LITAF: variants seen among roughly 807,000 people sequenced by gnomAD.
LITAF encodes lipopolysaccharide-induced tumor necrosis factor-alpha factor.
Under a neutral mutation model 14.5 loss-of-function variants are expected in LITAF, and 9 were observed. The ratio of observed to expected loss-of-function variants is 0.62; its 90% confidence interval spans 0.37 to 1.08. LITAF has a LOEUF of 1.08. Among genes scored for constraint, LITAF ranks in the 50% least tolerant of loss-of-function variants. The pLI, the probability that LITAF is intolerant of heterozygous loss-of-function variation, is 0.01. For missense variants in LITAF, 206 were observed against 213.4 expected, an observed-to-expected ratio of 0.97 and a Z score of 0.22; for synonymous variants, 98 against 88.2, an observed-to-expected ratio of 1.11 and a Z score of -0.62.
rs988565810 is a variant in LITAF at position 11,558,292 on chromosome 16, C to G, written c.-5-1557G>C. 6.6e-6 allele frequency among the ~76,000 whole-genome samples: 1 copy of G among 152,180 alleles called. No individual in the cohort carries two copies. Among genetic ancestry groups the G allele is most frequent in the Non-Finnish European group, 1.5e-5 (1 of 68,028 alleles). ...ATTCACCTCAAAGTGGAAACAGAGA[C>G]CAGGTGCGGTGGCTCACCTGTAATC... On this transcript the variant is annotated intron_variant, in intron 1 of 3. Coordinates refer to ENST00000622633, the MANE Select transcript of LITAF (RefSeq NM_001136472.2). The surrounding 1 kb of genome is among the most constrained non-coding windows in gnomAD (Gnocchi z 4.1).
chr16:11,548,588 CTTTTTT>C lies in LITAF; in HGVS notation c.*1043_*1048del. 2.4e-6 allele frequency: 1 copy of C among 421,634 alleles called. No homozygotes were observed. The highest frequency in any genetic ancestry group is 4.6e-6 in the Non-Finnish European group (1 of 215,572). 26.1% of individuals were successfully genotyped at this position (421,634 alleles called of 1,614,324 possible). A position where few individuals can be genotyped will look rare whatever the true frequency, so the allele number is the denominator to read the frequency against. ...TAGATGAAATTATCCATTTCTTTTTCTTTTTTTTTTTTTTAAGTGAGACTACATTGG... is the reference window on the plus strand; with the variant it reads ...TAGATGAAATTATCCATTTCTTTTTCTTTTTTTTAAGTGAGACTACATTGG... On this transcript the variant is annotated 3_prime_UTR_variant, in exon 4 of 4. Coordinates refer to ENST00000622633, the MANE Select transcript of LITAF (RefSeq NM_001136472.2).
chr16:11,582,039 T>C (rs2064745269), intron 1 of LITAF, among the ~76,000 whole-genome samples: 2 of 152,136 alleles, frequency 1.3e-5, no homozygotes, highest in Admixed American at 1.3e-4. Context: ...AGGGTGAATA[T>C]GGTTAACAAT....
chr16:11,566,080 C>G (rs551274361), intron 1 of LITAF, among the ~76,000 whole-genome samples: 1 of 152,136 alleles, frequency 6.6e-6, no homozygotes, highest in East Asian at 1.9e-4. Flanking sequence ...AAAAAAGGAC[C>G]AGAGCAACTT....
At chr16:11,625,891 G>T (rs1476523439) in intron 3 of LITAF, among the ~76,000 whole-genome samples, 6 of 151,974 alleles carry the variant, frequency 3.9e-5, no homozygotes, top group Non-Finnish European at 8.8e-5. Context: ...TCCTCACAAT[G>T]GTCCTACGAG....
chr16:11,558,194 G>A lies in LITAF; in HGVS notation c.-5-1459C>T, dbSNP rs1224969093. ...ATCCCACTGCAGGGAGAAGGGTAGA[G>A]TCCTTCTCAGAAGCCCTGCCTCTAA... On this transcript the variant is annotated intron_variant, in intron 1 of 3. Coordinates refer to ENST00000622633, the MANE Select transcript of LITAF (RefSeq NM_001136472.2). The surrounding 1 kb of genome is among the most constrained non-coding windows in gnomAD (Gnocchi z 4.1). Among the ~76,000 whole-genome samples the A allele has an allele frequency of 1.3e-5, 2 of 152,194 alleles. No homozygotes were observed. Among genetic ancestry groups the A allele is most frequent in the East Asian group, 1.9e-4 (1 of 5,200 alleles).
chr16:11,618,567 C>T (rs1199723618), intron 3 of LITAF, among the ~76,000 whole-genome samples: 1 of 152,194 alleles, frequency 6.6e-6, no homozygotes, highest in Admixed American at 6.5e-5. Flanking sequence ...TCGCTGTGTG[C>T]GATGGGCTAA....
At chr16:11,625,527 T>C (rs761593534) in intron 3 of LITAF, among the ~76,000 whole-genome samples, 1 of 152,060 alleles carries the variant, frequency 6.6e-6, no homozygotes, top group Non-Finnish European at 1.5e-5. Flanking sequence ...CCTCCCAAAG[T>C]GCTGAGATTA....
At chr16:11,608,977 AAAC>A (rs986735580) in intron 3 of LITAF, among the ~76,000 whole-genome samples, 38 of 38,380 alleles carry the variant, frequency 9.9e-4, no homozygotes, top group East Asian at 0.014. Context: ...CAAAACAAAC[AAAC>A]AAAAAAAAAC....
intron 1 of LITAF, among the ~76,000 whole-genome samples, chr16:11,593,741 C>T (rs1343601727): frequency 1.3e-5 from 2 of 152,178 alleles, no homozygotes; most frequent in Non-Finnish European, 2.9e-5. Flanking sequence ...AAAATGAAAC[C>T]AGACACCAAA....
chr16:11,599,959 C>G (rs1186211298), upstream of LITAF, among the ~76,000 whole-genome samples: 1 of 152,068 alleles, frequency 6.6e-6, no homozygotes, highest in East Asian at 1.9e-4. Flanking sequence ...CCCACCCTGT[C>G]ACCTTTTTCT....
At chr16:11,591,990 C>G (rs1597363641), upstream of LITAF, among the ~76,000 whole-genome samples, 1 of 152,152 alleles carries the variant, frequency 6.6e-6, no homozygotes, top group South Asian at 2.1e-4. Context: ...TTGACTCATA[C>G]AACTCTTAGA....
At chr16:11,628,027 A>G (rs1036071777) in intron 3 of LITAF, among the ~76,000 whole-genome samples, 1 of 151,618 alleles carries the variant, frequency 6.6e-6, no homozygotes, top group Non-Finnish European at 1.5e-5. Context: ...AAAAAAAAAA[A>G]AAAAAACAAG....
intron 3 of LITAF, among the ~76,000 whole-genome samples, chr16:11,621,501 G>T (rs2065051076): frequency 6.6e-6 from 1 of 152,150 alleles, no homozygotes; most frequent in Non-Finnish European, 1.5e-5. Flanking sequence ...CACCGCTCCT[G>T]GCCCACCCAT....
chr16:11,629,872 G>C (rs776064038), intron 3 of LITAF, among the ~76,000 whole-genome samples: 14 of 152,200 alleles, frequency 9.2e-5, no homozygotes, highest in Non-Finnish European at 1.8e-4. Context: ...TCCCCCCACA[G>C]CCTGGCGCAT....
chr16:11,571,837 C>T (rs1222659765), intron 1 of LITAF, among the ~76,000 whole-genome samples: 3 of 152,172 alleles, frequency 2.0e-5, no homozygotes, highest in Non-Finnish European at 4.4e-5. Flanking sequence ...GTGGCTCATG[C>T]CTGTAGTCCC....
upstream of LITAF, among the ~76,000 whole-genome samples, chr16:11,637,228 C>G (rs2065141635): frequency 6.6e-6 from 1 of 152,200 alleles, no homozygotes; most frequent in South Asian, 2.1e-4. Flanking sequence ...GTATCACCAG[C>G]ACCACAGAGA....
chr16:11,547,893 C>G lies in LITAF; in HGVS notation c.*1744G>C. On this transcript the variant is annotated 3_prime_UTR_variant, in exon 4 of 4. Transcript: ENST00000622633. Reference sequence around the variant, plus strand: ...ATTCAGCAAGTCTGAAGTTTTTAATCGGGAAGGATTTTCTACCGTTACTGA... The same window carrying G: ...ATTCAGCAAGTCTGAAGTTTTTAATGGGGAAGGATTTTCTACCGTTACTGA... 2 of 454,050 alleles carry G rather than the reference C, an allele frequency of 4.4e-6. No individual in the cohort carries two copies. Among genetic ancestry groups the G allele is most frequent in the Non-Finnish European group, 4.4e-6 (1 of 226,784 alleles). 28.1% of individuals were successfully genotyped at this position (454,050 alleles called of 1,614,324 possible).
intron 1 of LITAF, among the ~76,000 whole-genome samples, chr16:11,564,327 C>G (rs1051672903): frequency 6.6e-6 from 1 of 152,074 alleles, no homozygotes; most frequent in African/African-American, 2.4e-5. Flanking sequence ...CTGGAATCCT[C>G]GGGACGTGGA....
rs1260015617 is a variant in LITAF at position 11,586,472 on chromosome 16, G to A, written c.-6+414C>T. The stretch of plus-strand genomic sequence containing the variant: ...GTTTTGGTTTTGTTTCTGAACCCCC[G>A]GGGGATATTTCTGGAAATCTCAACC... On this transcript the variant is annotated intron_variant, in intron 1 of 3. Coordinates refer to ENST00000622633, the MANE Select transcript of LITAF (RefSeq NM_001136472.2). This position sits in a 1 kb window ranked among gnomAD's most constrained non-coding sequence, Gnocchi z 6.5. 3.3e-5 allele frequency: 5 copies of A among 152,190 alleles called. No homozygotes were observed. Among genetic ancestry groups the A allele is most frequent in the Admixed American group, 6.5e-5 (1 of 15,286 alleles). The allele number at this position is 152,190 out of a possible 1,614,324, so 9.4% of individuals were successfully genotyped here.
Sources: allele counts gnomAD v4.1 joint callset (sites outside exome capture counted in the v4.1 genomes callset), GRCh38; gene constraint gnomAD v4.1.1; non-coding constraint Gnocchi (gnomAD v3.1); transcripts MANE v1.5; gene names NCBI Gene and HGNC (gene_info 2026-07-23, HGNC 2026-07-21).